Variants in ST6GALNAC3 observed in about 807,000 individuals in gnomAD.
The protein encoded by ST6GALNAC3 is alpha-N-acetylgalactosaminide alpha-2,6-sialyltransferase 3.
Under a neutral mutation model 32.7 loss-of-function variants are expected in ST6GALNAC3, and 25 were observed. The ratio of observed to expected loss-of-function variants is 0.76; its 90% confidence interval spans 0.56 to 1.07. The LOEUF is 1.07. ST6GALNAC3 is among the 50% of genes least tolerant of loss of function. The pLI is 0.00. For synonymous variants in ST6GALNAC3, 129 were observed against 133.1 expected (o/e 0.97, Z 0.21); for missense variants, 355 against 382.4 (o/e 0.93, Z 0.60).
intron 3 of ST6GALNAC3, among the ~76,000 whole-genome samples, chr1:76,546,311 C>T (rs1248066287): frequency 1.3e-5 from 2 of 152,090 alleles, no homozygotes; most frequent in Non-Finnish European, 2.9e-5. Context: ...CCAGTAAACT[C>T]AGAGGTTTTG....
At chr1:76,468,635 C>T (rs1658811013) in intron 3 of ST6GALNAC3, among the ~76,000 whole-genome samples, 1 of 151,898 alleles carries the variant, frequency 6.6e-6, no homozygotes, top group Non-Finnish European at 1.5e-5. Context: ...CTTGTTCTTA[C>T]TCATTTTTTT....
At chr1:76,497,630 G>A (rs1044909705) in intron 3 of ST6GALNAC3, among the ~76,000 whole-genome samples, 6 of 152,180 alleles carry the variant, frequency 3.9e-5, no homozygotes, top group Non-Finnish European at 5.9e-5. Context: ...CTAAAGAGTG[G>A]TTAGGAGTGA....
chr1:76,521,284 CATAT>C (rs58867351), intron 3 of ST6GALNAC3, among the ~76,000 whole-genome samples: 13 of 149,894 alleles, frequency 8.7e-5, no homozygotes, highest in East Asian at 1.9e-4. Context: ...TATATACAGA[CATAT>C]ATATATATAT....
intron 3 of ST6GALNAC3, among the ~76,000 whole-genome samples, chr1:76,493,701 A>G (rs1237119590): frequency 6.6e-6 from 1 of 152,074 alleles, no homozygotes; most frequent in Non-Finnish European, 1.5e-5. Flanking sequence ...ATTATTATTC[A>G]GTTTGGTCTG....
chr1:76,240,291 TCTC>T (rs1302288659), intron 1 of ST6GALNAC3, among the ~76,000 whole-genome samples: 6 of 152,328 alleles, frequency 3.9e-5, no homozygotes, highest in Middle Eastern at 3.4e-3. Flanking sequence ...GCCTGTCTCT[TCTC>T]CTCTTTCAGG....
At chr1:76,409,435 A>T (rs1654060656) in intron 2 of ST6GALNAC3, among the ~76,000 whole-genome samples, 1 of 152,168 alleles carries the variant, frequency 6.6e-6, no homozygotes, top group Admixed American at 6.5e-5. Flanking sequence ...GAGTACAAAT[A>T]AAAATGAAAT....
chr1:76,493,817 CT>C (rs1660644805), intron 3 of ST6GALNAC3, among the ~76,000 whole-genome samples: 1 of 152,090 alleles, frequency 6.6e-6, no homozygotes, highest in South Asian at 2.1e-4. Context: ...CCATTCAGAT[CT>C]TTTTCAAATT....
At chr1:76,249,016 C>T (rs1268219553) in intron 1 of ST6GALNAC3, among the ~76,000 whole-genome samples, 3 of 152,152 alleles carry the variant, frequency 2.0e-5, no homozygotes, top group South Asian at 2.1e-4. Context: ...TGAATGAAGA[C>T]TATTTATGTT....
intron 3 of ST6GALNAC3, among the ~76,000 whole-genome samples, chr1:76,525,071 A>AT (rs200829224): frequency 2.5e-3 from 386 of 152,252 alleles, no homozygotes; most frequent in African/African-American, 8.8e-3. Flanking sequence ...TCATCAGTGC[A>AT]TTTTTTAGTC....
chr1:76,417,003 A>G (rs542973374), intron 3 of ST6GALNAC3, among the ~76,000 whole-genome samples: 1 of 152,240 alleles, frequency 6.6e-6, no homozygotes, highest in Admixed American at 6.5e-5. Flanking sequence ...TATCATTTAA[A>G]TGTCTTAGAA....
chr1:76,626,457 C>T lies in ST6GALNAC3; in HGVS notation c.624-995C>T, dbSNP rs562873113. ...AGACAAATATGGAGATCCAGCTTTT[C>T]ATTTAACATTCCTTTGAACCATTTG... On this transcript the variant is annotated intron_variant, in intron 3 of 4. Transcript: ENST00000328299. Among the ~76,000 whole-genome samples the T allele has an allele frequency of 9.3e-4, 141 of 152,048 alleles. No individual in the cohort carries two copies. The Middle Eastern group carries it at 0.024, about 26-fold the overall frequency.
chr1:76,112,987 A>T (rs916891040), intron 1 of ST6GALNAC3, among the ~76,000 whole-genome samples: 1 of 151,990 alleles, frequency 6.6e-6, no homozygotes, highest in Non-Finnish European at 1.5e-5. Context: ...CAAGGCAGGC[A>T]GCTGGGAGGT....
At chr1:76,142,238 C>T (rs995749649) in intron 1 of ST6GALNAC3, among the ~76,000 whole-genome samples, 1 of 152,128 alleles carries the variant, frequency 6.6e-6, no homozygotes, top group African/African-American at 2.4e-5. Flanking sequence ...AAGGAAGAGG[C>T]TAAGCTGTTA....
chr1:76,368,021 T>TGGAGTG (rs1165044117), intron 2 of ST6GALNAC3, among the ~76,000 whole-genome samples: 4 of 152,142 alleles, frequency 2.6e-5, no homozygotes, highest in African/African-American at 9.7e-5. Flanking sequence ...CTCCAGCACC[T>TGGAGTG]GCATAAGGCT....
In ST6GALNAC3 at chr1:76,208,844, A is replaced by G. The variant is rs534199077; in HGVS notation, c.19-104961A>G. ...TTGGATTTACCTGGATTCTAGGGGT[A>G]TTTTTTTCACATTTCTCTGGAGACA... On this transcript the variant is annotated intron_variant, in intron 1 of 4. Coordinates refer to ENST00000328299, the MANE Select transcript of ST6GALNAC3 (RefSeq NM_152996.4). Among the ~76,000 whole-genome samples, 9 of 152,200 alleles carry G rather than the reference A, an allele frequency of 5.9e-5. No individual in the cohort carries two copies. The South Asian group carries it at 1.9e-3, about 32-fold the overall frequency.
intron 1 of ST6GALNAC3, among the ~76,000 whole-genome samples, chr1:76,248,481 C>T (rs1198677233): frequency 6.6e-6 from 1 of 152,124 alleles, no homozygotes; most frequent in Admixed American, 6.5e-5. Context: ...TCTAGCAGTT[C>T]CTATTTAAAG....
At chr1:76,244,133 T>C (rs2100676337) in intron 1 of ST6GALNAC3, among the ~76,000 whole-genome samples, 1 of 152,250 alleles carries the variant, frequency 6.6e-6, no homozygotes, top group Admixed American at 6.5e-5. Context: ...TGAGCAGTGG[T>C]TTGTAGTTCT....
intron 3 of ST6GALNAC3, among the ~76,000 whole-genome samples, chr1:76,572,085 A>G (rs1321772633): frequency 2.6e-5 from 4 of 151,958 alleles, no homozygotes; most frequent in Non-Finnish European, 4.4e-5. Context: ...ATTTGACAAA[A>G]ACATCATTCA....
At chr1:76,562,099 A>G (rs1478912080) in intron 3 of ST6GALNAC3, among the ~76,000 whole-genome samples, 13 of 152,170 alleles carry the variant, frequency 8.5e-5, no homozygotes, top group African/African-American at 2.2e-4. Context: ...AGGGAGTAGG[A>G]GCAGGAATAA....
Sources: gnomAD v4.1 joint callset for allele counts (sites outside exome capture counted in the v4.1 genomes callset) on GRCh38, gnomAD v4.1.1 for gene constraint, MANE v1.5 for transcripts, NCBI Gene and HGNC (gene_info 2026-07-23, HGNC 2026-07-21) for gene names.